EPHA5: variants seen among roughly 807,000 people sequenced by gnomAD.
EPHA5 encodes the protein EPH receptor A5, also known as ephrin type-A receptor 5.
EPHA5 carries 60 observed loss-of-function variants against 105.0 expected under a neutral mutation model. That is an observed-to-expected ratio of 0.57 (90% CI 0.46 to 0.71). The LOEUF (loss-of-function observed/expected upper bound fraction) is 0.71, where lower values mean the gene tolerates loss of function less well. Ranked by LOEUF, EPHA5 falls within the 30% of genes least tolerant of loss-of-function variation. The probability of loss-of-function intolerance (pLI) is 0.00; values close to 1 mark genes in which losing one functional copy is unlikely to be tolerated. For synonymous variants in EPHA5, 513 were observed against 449.1 expected, an observed-to-expected ratio of 1.14 and a Z score of -1.80; for missense variants, 1,218 against 1,274.7, an observed-to-expected ratio of 0.96 and a Z score of 0.68.
chr4:65,650,330 G>C (rs566457716), intron 1 of EPHA5, among the ~76,000 whole-genome samples: 2 of 150,808 alleles, frequency 1.3e-5, no homozygotes, highest in African/African-American at 2.4e-5. Context: ...GGCAGATCAC[G>C]AGGTCAGGAG....
At chr4:65,597,441 TG>T (rs1475500682) in intron 3 of EPHA5, among the ~76,000 whole-genome samples, 1 of 123,962 alleles carries the variant, frequency 8.1e-6, no homozygotes, top group African/African-American at 2.8e-5. Context: ...AATGTGTTTT[TG>T]CTAACCATTT....
At chr4:65,652,507 G>A (rs1478257198) in intron 1 of EPHA5, among the ~76,000 whole-genome samples, 1 of 152,110 alleles carries the variant, frequency 6.6e-6, no homozygotes, top group Non-Finnish European at 1.5e-5. Context: ...TAGGGCAAGA[G>A]CCCAAGGTCC....
chr4:65,328,374 T>A (rs779612197), intron 16 of EPHA5, among the ~76,000 whole-genome samples: 2 of 151,292 alleles, frequency 1.3e-5, no homozygotes, highest in African/African-American at 4.8e-5. Flanking sequence ...GATGCTAAAA[T>A]GGCAGAATGA....
At chr4:65,669,487 C>T (rs1750262354) in intron 1 of EPHA5, 75 bp downstream of exon 1, 2 of 1,282,380 alleles carry the variant, frequency 1.6e-6, no homozygotes, top group Non-Finnish European at 9.9e-7. Context: ...GTCCAGCGCG[C>T]TGAGACCTGA....
intron 5 of EPHA5, among the ~76,000 whole-genome samples, chr4:65,489,080 G>A (rs531529849): frequency 6.6e-6 from 1 of 151,810 alleles, no homozygotes; most frequent in East Asian, 1.9e-4. Context: ...TTTATTTTTA[G>A]TAGAGACGGG....
intron 2 of EPHA5, among the ~76,000 whole-genome samples, chr4:65,633,772 G>T (rs1261470178): frequency 6.6e-6 from 1 of 151,932 alleles, no homozygotes; most frequent in African/African-American, 2.4e-5. Context: ...ACAGGAGTAG[G>T]TAACAATAAC....
At chr4:65,655,482 A>G (rs1377834667) in intron 1 of EPHA5, among the ~76,000 whole-genome samples, 1 of 152,152 alleles carries the variant, frequency 6.6e-6, no homozygotes, top group Non-Finnish European at 1.5e-5. Flanking sequence ...AATGAGGTGA[A>G]TCTACCTATT....
At chr4:65,520,744 C>A (rs1241023032) in intron 3 of EPHA5, among the ~76,000 whole-genome samples, 2 of 152,112 alleles carry the variant, frequency 1.3e-5, no homozygotes, top group African/African-American at 2.4e-5. Flanking sequence ...CAAAAGAAGA[C>A]ATTTATGCAG....
intron 3 of EPHA5, among the ~76,000 whole-genome samples, chr4:65,515,278 T>C (rs1733996853): frequency 6.6e-6 from 1 of 152,194 alleles, no homozygotes; most frequent in South Asian, 2.1e-4. Flanking sequence ...CCACCTACAT[T>C]GTTGTTTTCT....
chr4:65,383,956 A>T (rs1433930965), intron 8 of EPHA5, among the ~76,000 whole-genome samples: 4 of 151,908 alleles, frequency 2.6e-5, no homozygotes, highest in East Asian at 3.9e-4. Flanking sequence ...GAAAAATATA[A>T]TTTTTTTAAA....
chr4:65,601,857 T>C lies in EPHA5; in HGVS notation c.694A>G (p.Lys232Glu), dbSNP rs1276193993. ...AAGTGTCGTACCACAGAAGGGCATT[T>C]TTTATAGTATACACGCACAGAAACC... The part of the protein sequence containing the change: ...ALVSVRVYYK[K>E]CPSVVRHLAV... The change falls in exon 3 of 17, where the codon AAA becomes GAA. Residue 232 changes from lysine (K) to glutamate (E), a missense_variant. This residue lies in a region of EPHA5 where 971 missense variants were observed against 1,013.5 expected (regional missense o/e 0.96). Coordinates refer to ENST00000613740, the MANE Select transcript of EPHA5 (RefSeq NM_001281766.3). The C allele has an allele frequency of 6.2e-7, 1 of 1,614,000 alleles. No individual in the cohort carries two copies. The highest frequency in any genetic ancestry group is 1.3e-5 in the African/African-American group (1 of 74,894).
In EPHA5 at chr4:65,605,333, C is replaced by G. The variant is rs1410874222; in HGVS notation, c.247-3029G>C. ...TCATGCAGTTACAATGTTTTTCTAC[C>G]CAAGCCGTTAGGAACTAGTTTCTCC... On this transcript the variant is annotated intron_variant, in intron 2 of 16. Transcript: ENST00000613740. 4.6e-5 allele frequency among the ~76,000 whole-genome samples: 7 copies of G among 152,214 alleles called. No individual in the cohort carries two copies. The South Asian group carries it at 1.2e-3, about 27-fold the overall frequency.
intron 3 of EPHA5, among the ~76,000 whole-genome samples, chr4:65,516,931 T>A (rs1363319074): frequency 1.3e-5 from 2 of 152,126 alleles, no homozygotes; most frequent in African/African-American, 4.8e-5. Flanking sequence ...GATCTACACT[T>A]GTAAAGAATG....
intron 11 of EPHA5, among the ~76,000 whole-genome samples, chr4:65,364,598 A>G (rs1717672594): frequency 6.6e-6 from 1 of 151,524 alleles, no homozygotes; most frequent in Non-Finnish European, 1.5e-5. Context: ...AACAAAATGA[A>G]CCTGGCCATA....
chr4:65,581,108 G>A (rs544708844), intron 3 of EPHA5, among the ~76,000 whole-genome samples: 198 of 151,732 alleles, frequency 1.3e-3, no homozygotes, highest in African/African-American at 4.6e-3. Flanking sequence ...TTTATCTATC[G>A]TTTGTTCTCC....
chr4:65,596,105 C>T, intron 3 of EPHA5, among the ~76,000 whole-genome samples: 1 of 152,184 alleles, frequency 6.6e-6, no homozygotes, highest in East Asian at 1.9e-4. Flanking sequence ...ATGTACATCT[C>T]CTTCATTCTT....
intron 5 of EPHA5, among the ~76,000 whole-genome samples, chr4:65,459,753 C>G (rs1727952141): frequency 6.6e-6 from 1 of 151,796 alleles, no homozygotes; most frequent in Non-Finnish European, 1.5e-5. Context: ...ATTTCAGTCT[C>G]TCTTTTGTTA....
chr4:65,322,193 T>A lies in EPHA5; in HGVS notation c.*1921A>T, dbSNP rs1184946166. ...ATTATTATGAGAACTGAATGTATTA[T>A]TTGAAAACTGTTTAGATTTTTGTTG... On this transcript the variant is annotated 3_prime_UTR_variant, in exon 17 of 17. Transcript: ENST00000613740. The A allele has an allele frequency of 4.5e-6, 1 of 224,376 alleles. No individual in the cohort carries two copies. Among genetic ancestry groups the A allele is most frequent in the Admixed American group, 5.7e-5 (1 of 17,392 alleles). The allele number at this position is 224,376 out of a possible 1,614,324, so 13.9% of individuals were successfully genotyped here. A position where few individuals can be genotyped will look rare whatever the true frequency, so the allele number is the denominator to read the frequency against.
intron 8 of EPHA5, among the ~76,000 whole-genome samples, chr4:65,400,011 C>T (rs1480049362): frequency 6.6e-6 from 1 of 151,766 alleles, no homozygotes; most frequent in African/African-American, 2.4e-5. Flanking sequence ...GAAATAAGGA[C>T]ACAGATAAAT....
Sources: gnomAD v4.1 joint callset for allele counts (sites outside exome capture counted in the v4.1 genomes callset) on GRCh38, gnomAD v4.1.1 for gene constraint, gnomAD v4.1.1 regional missense constraint, MANE v1.5 for transcripts, NCBI Gene and HGNC (gene_info 2026-07-23, HGNC 2026-07-21) for gene names.